SYNE2: variants seen among roughly 807,000 people sequenced by gnomAD.
SYNE2 encodes nesprin-2.
SYNE2 carries 431 observed loss-of-function variants against 856.3 expected under a neutral mutation model. That is an observed-to-expected ratio of 0.50 (90% CI 0.47 to 0.55). SYNE2 has a LOEUF of 0.55. Ranked by LOEUF, SYNE2 falls within the 20% of genes least tolerant of loss-of-function variation. The probability of loss-of-function intolerance (pLI) is 0.00; values close to 1 mark genes in which losing one functional copy is unlikely to be tolerated. For missense variants in SYNE2, 8,129 were observed against 8,023.2 expected (o/e 1.01, Z -0.50); for synonymous variants, 2,923 against 2,872.3 (o/e 1.02, Z -0.56).
chr14:63,798,547 C>T (rs1332757849), intron 1 of SYNE2, among the ~76,000 whole-genome samples: 1 of 151,998 alleles, frequency 6.6e-6, no homozygotes, highest in Non-Finnish European at 1.5e-5. Flanking sequence ...GCATGTACCA[C>T]CATACCCAGC....
At position 64,027,553 on chromosome 14, in the gene SYNE2, C is replaced by T. The variant is rs764337031; in HGVS notation, c.6474C>T (p.Leu2158=). The change falls in exon 43 of 116, where the codon CTC becomes CTT. Residue 2158 remains leucine, a synonymous_variant. Coordinates refer to ENST00000555002, the MANE Select transcript of SYNE2 (RefSeq NM_182914.3). ...GTAAGGAGGATCTGAGATTAATGCT[C>T]ATAGAACTAAAGAAGAAACAGGAAG... ...LQSKEDLRLM[L]IELKKKQEAG... 5.6e-6 allele frequency: 9 copies of T among 1,610,710 alleles called. 1 individual carries two copies. In the African/African-American group the frequency reaches 6.7e-5, roughly 12 times the overall value.
intron 1 of SYNE2, among the ~76,000 whole-genome samples, chr14:63,853,625 C>A (rs1229233815): frequency 6.6e-6 from 1 of 151,570 alleles, no homozygotes; most frequent in African/African-American, 2.4e-5. Context: ...GGCGGACAGC[C>A]GCGGCGCAGA....
chr14:63,882,334 T>G (rs935116646), intron 1 of SYNE2, among the ~76,000 whole-genome samples: 1 of 152,168 alleles, frequency 6.6e-6, no homozygotes, highest in Non-Finnish European at 1.5e-5. Context: ...AAAGAAAACT[T>G]AAAACATATT....
At chr14:64,212,170 A>AT (rs1195539002) in intron 104 of SYNE2, 72 bp downstream of exon 104, 1 of 1,606,454 alleles carries the variant, frequency 6.2e-7, no homozygotes, top group African/African-American at 1.3e-5. Flanking sequence ...CCAAGTGCAA[A>AT]TTTCACACGA....
intron 1 of SYNE2, among the ~76,000 whole-genome samples, chr14:63,898,718 T>C (rs1436890694): frequency 6.6e-6 from 1 of 152,192 alleles, no homozygotes; most frequent in Non-Finnish European, 1.5e-5. Context: ...ACCAGTAGCT[T>C]TCTAAGAACA....
chr14:63,990,112 A>T (rs944940395), intron 19 of SYNE2, among the ~76,000 whole-genome samples: 4 of 152,226 alleles, frequency 2.6e-5, no homozygotes, highest in Admixed American at 6.5e-5. Context: ...ATAGAACAAG[A>T]TCATTTTAAT....
intron 10 of SYNE2, 106 bp from the exon 11 acceptor site, chr14:63,967,603 G>T (rs2096412202): frequency 4.0e-6 from 5 of 1,254,546 alleles, no homozygotes; most frequent in Non-Finnish European, 5.5e-6. Context: ...TTACCTTTAA[G>T]TAAAAACTTA....
intron 103 of SYNE2, 49 bp from the exon 104 acceptor site, chr14:64,211,912 C>G (rs1015249801): frequency 6.2e-7 from 1 of 1,613,354 alleles, no homozygotes; most frequent in African/African-American, 1.3e-5. Flanking sequence ...TCTGTCTGAA[C>G]TCTTGTTCCG....
intron 84 of SYNE2, among the ~76,000 whole-genome samples, chr14:64,151,476 A>G (rs1489264040): frequency 2.5e-5 from 3 of 118,802 alleles, no homozygotes; most frequent in Non-Finnish European, 5.6e-5. Context: ...GCAATTTTCA[A>G]AAAAAAAGCT....
At position 64,219,124 on chromosome 14, in the gene SYNE2, T is replaced by TTTTA. The variant is rs369808458; in HGVS notation, c.19658-84_19658-83insTTTA. ...TTTTTGTTTTTTTTTTTTTTTTTTT[T>TTTTA]AACCACCCTGACCCCTAATTAGCTG... is the stretch of plus-strand genomic sequence containing the variant. On this transcript the variant is annotated intron_variant, in intron 109 of 115. Coordinates refer to ENST00000555002, the MANE Select transcript of SYNE2 (RefSeq NM_182914.3). The TTTTA allele has an allele frequency of 2.0e-3, 1,682 of 842,506 alleles. 4 individuals carry two copies. The highest frequency in any genetic ancestry group is 2.6e-3 in the Admixed American group (96 of 36,322). 52.2% of individuals were successfully genotyped at this position (842,506 alleles called of 1,614,324 possible).
chr14:64,216,439 C>T (rs775706751), intron 108 of SYNE2, 52 bp downstream of exon 108: 109 of 1,591,336 alleles, frequency 6.8e-5, no homozygotes, highest in East Asian at 1.1e-4. Flanking sequence ...GTCATACTTA[C>T]ATTTGCAAGA....
intron 1 of SYNE2, among the ~76,000 whole-genome samples, chr14:63,899,578 T>A (rs946131687): frequency 6.6e-6 from 1 of 152,088 alleles, no homozygotes; most frequent in African/African-American, 2.4e-5. Flanking sequence ...CATGGCTTAT[T>A]GCAGCCTTGA....
chr14:63,975,996 G>C (rs1202259041), intron 11 of SYNE2, among the ~76,000 whole-genome samples: 1 of 152,248 alleles, frequency 6.6e-6, no homozygotes, highest in Non-Finnish European at 1.5e-5. Flanking sequence ...AGCAGTCAGA[G>C]TGTGTTTCTC....
chr14:63,811,086 T>C lies in SYNE2; in HGVS notation c.-304-41415T>C, dbSNP rs190913108. 7.5e-3 allele frequency among the ~76,000 whole-genome samples: 1,142 copies of C among 152,256 alleles called. 6 individuals are homozygous for C. Among genetic ancestry groups the C allele is most frequent in the Admixed American group, 0.017 (260 of 15,282 alleles). ...TCCTGACCTCGTGATCCGCCCACCT[T>C]GGCCTCCCAAAGTGCTGGGATTACA... is the stretch of plus-strand genomic sequence containing the variant. On this transcript the variant is annotated intron_variant, in intron 1 of 23. Transcript: ENST00000674003.
At chr14:64,062,609 T>G in intron 49 of SYNE2, 142 bp from the exon 50 acceptor site, 2 of 790,414 alleles carry the variant, frequency 2.5e-6, no homozygotes, top group East Asian at 2.7e-5. Flanking sequence ...GGAAAACATT[T>G]TAAAATGCAT....
chr14:64,148,251 G>T (rs377157083), intron 84 of SYNE2, among the ~76,000 whole-genome samples: 17 of 152,266 alleles, frequency 1.1e-4, no homozygotes, highest in African/African-American at 4.1e-4. Flanking sequence ...GGAATTCAAG[G>T]TGACAGTAAA....
At chr14:63,792,826 C>A (rs1037599807) in intron 1 of SYNE2, among the ~76,000 whole-genome samples, 6 of 151,890 alleles carry the variant, frequency 4.0e-5, no homozygotes, top group Admixed American at 6.6e-5. Flanking sequence ...ACTACAAGTG[C>A]GTGCTACCAT....
chr14:64,181,589 C>A (rs1258909520), intron 96 of SYNE2, among the ~76,000 whole-genome samples: 1 of 152,162 alleles, frequency 6.6e-6, no homozygotes, highest in Non-Finnish European at 1.5e-5. Context: ...TGACCATATT[C>A]TGAAAAGATC....
At chr14:64,223,448 T>C (rs2140455489) in intron 113 of SYNE2, 68 bp downstream of exon 113, 1 of 1,565,704 alleles carries the variant, frequency 6.4e-7, no homozygotes, top group Non-Finnish European at 8.8e-7. Context: ...AGCAGTGTTG[T>C]AGCAATGCTC....
Sources: gnomAD v4.1 joint callset for allele counts (sites outside exome capture counted in the v4.1 genomes callset) on GRCh38, gnomAD v4.1.1 for gene constraint, MANE v1.5 for transcripts, NCBI Gene and HGNC (gene_info 2026-07-23, HGNC 2026-07-21) for gene names.